Variants in SGCZ observed in about 807,000 individuals in gnomAD.
The protein encoded by SGCZ is sarcoglycan zeta.
Under a neutral mutation model 41.3 loss-of-function variants are expected in SGCZ, and 40 were observed. The observed-to-expected ratio is 0.97, with a 90% CI of 0.75 to 1.26. SGCZ has a LOEUF of 1.26. SGCZ is among the 50% of genes most tolerant of loss of function. The probability of loss-of-function intolerance (pLI) is 0.00; values close to 1 mark genes in which losing one functional copy is unlikely to be tolerated. For synonymous variants in SGCZ, 206 were observed against 137.5 expected, an observed-to-expected ratio of 1.50 and a Z score of -3.49; for missense variants, 552 against 369.8, an observed-to-expected ratio of 1.49 and a Z score of -4.04.
intron 2 of SGCZ, among the ~76,000 whole-genome samples, chr8:14,517,189 G>A (rs934402792): frequency 3.3e-5 from 5 of 151,368 alleles, no homozygotes; most frequent in Non-Finnish European, 5.9e-5. Context: ...GGATGATGGC[G>A]CTTGGAAGAC....
chr8:14,766,549 A>T (rs1302412187), intron 1 of SGCZ, among the ~76,000 whole-genome samples: 2 of 151,864 alleles, frequency 1.3e-5, no homozygotes, highest in African/African-American at 4.8e-5. Context: ...TAGTTTTATT[A>T]CTTTTAAAAA....
At chr8:15,090,200 T>A (rs1325646334) in intron 1 of SGCZ, among the ~76,000 whole-genome samples, 1 of 152,240 alleles carries the variant, frequency 6.6e-6, no homozygotes. Context: ...AAATTTAGTC[T>A]GTTACAATTT....
chr8:14,898,729 C>T (rs183191932), intron 1 of SGCZ, among the ~76,000 whole-genome samples: 1 of 152,124 alleles, frequency 6.6e-6, no homozygotes, highest in East Asian at 1.9e-4. Flanking sequence ...AAAGAGCAAG[C>T]AAAGGTGCTA....
chr8:14,248,597 T>C (rs992473074), intron 3 of SGCZ, among the ~76,000 whole-genome samples: 1 of 152,138 alleles, frequency 6.6e-6, no homozygotes, highest in African/African-American at 2.4e-5. Context: ...AAGAAATTAA[T>C]CTTTATCAAA....
intron 1 of SGCZ, among the ~76,000 whole-genome samples, chr8:14,915,576 A>T (rs1366998100): frequency 6.6e-6 from 1 of 152,150 alleles, no homozygotes; most frequent in Non-Finnish European, 1.5e-5. Flanking sequence ...AGTAAAAAGC[A>T]GACAAGATGG....
chr8:14,353,152 T>TTG (rs1455164616), intron 2 of SGCZ, among the ~76,000 whole-genome samples: 1 of 150,014 alleles, frequency 6.7e-6, no homozygotes, highest in African/African-American at 2.5e-5. Context: ...GTGACTAAGT[T>TTG]TCTTCATTTG....
chr8:14,853,022 C>G (rs1160777491), intron 1 of SGCZ, among the ~76,000 whole-genome samples: 1 of 152,218 alleles, frequency 6.6e-6, no homozygotes, highest in Non-Finnish European at 1.5e-5. Context: ...GAGGCCAGCT[C>G]TGCTTCTGAG....
At chr8:14,772,192 C>G (rs1447481421) in intron 1 of SGCZ, among the ~76,000 whole-genome samples, 1 of 152,118 alleles carries the variant, frequency 6.6e-6, no homozygotes, top group African/African-American at 2.4e-5. Flanking sequence ...GTTCGGAACA[C>G]ATTTAAGGTA....
Position 14,612,029 on chromosome 8 carries a change from TA to T in SGCZ, c.40-57104del, listed in dbSNP as rs1422769048. 5.3e-5 allele frequency among the ~76,000 whole-genome samples: 8 copies of T among 152,332 alleles called. No homozygotes were observed. In the South Asian group the frequency reaches 6.2e-4, roughly 12 times the overall value. The stretch of plus-strand genomic sequence containing the variant: ...TTTAAGGGAGGCATTAATAAGCCAT[TA>T]AAAAATTATTTAGCATTTGTCCTTC... On this transcript the variant is annotated intron_variant, in intron 1 of 7. Transcript: ENST00000382080.
chr8:15,208,744 C>T (rs576018290), intron 1 of SGCZ, among the ~76,000 whole-genome samples: 2 of 152,186 alleles, frequency 1.3e-5, no homozygotes, highest in African/African-American at 4.8e-5. Flanking sequence ...GAGCAAGTTA[C>T]TTGACTTCTA....
At chr8:14,191,511 C>T (rs556814786) in intron 4 of SGCZ, among the ~76,000 whole-genome samples, 7 of 152,078 alleles carry the variant, frequency 4.6e-5, no homozygotes, top group East Asian at 1.9e-4. Context: ...TTTTTGTGTA[C>T]GGTGTGATAT....
intron 1 of SGCZ, among the ~76,000 whole-genome samples, chr8:14,790,966 G>A (rs1039387526): frequency 1.3e-5 from 2 of 151,472 alleles, no homozygotes; most frequent in Non-Finnish European, 2.9e-5. Flanking sequence ...GGGAGGCAAA[G>A]GTTGCAGTGA....
chr8:14,237,344 G>C (rs1169606553), intron 4 of SGCZ, among the ~76,000 whole-genome samples: 2 of 152,016 alleles, frequency 1.3e-5, no homozygotes, highest in Non-Finnish European at 2.9e-5. Flanking sequence ...TTATGTATCA[G>C]GGAAATAACA....
chr8:14,646,500 G>C (rs1029822067), intron 1 of SGCZ, among the ~76,000 whole-genome samples: 21 of 151,812 alleles, frequency 1.4e-4, no homozygotes, highest in African/African-American at 4.8e-4. Flanking sequence ...TCCTTCTCAT[G>C]AATAGCGCTG....
At chr8:14,332,904 T>G (rs185093242) in intron 2 of SGCZ, among the ~76,000 whole-genome samples, 1 of 148,132 alleles carries the variant, frequency 6.8e-6, no homozygotes, top group Non-Finnish European at 1.5e-5. Flanking sequence ...TGTCTATATA[T>G]CTATACACAC....
At chr8:14,395,696 C>T (rs1183140790) in intron 2 of SGCZ, among the ~76,000 whole-genome samples, 1 of 152,170 alleles carries the variant, frequency 6.6e-6, no homozygotes, top group Non-Finnish European at 1.5e-5. Flanking sequence ...TCCAAACTTC[C>T]TCACATAACC....
Position 14,178,105 on chromosome 8 carries a change from G to A in SGCZ, c.425-13403C>T, listed in dbSNP as rs145178499. ...CCCTAGTAACTGAGATTACAGGCAT[G>A]AGCCATCACCCCCGGCTAATTGTGT... On this transcript the variant is annotated intron_variant, in intron 4 of 7. Coordinates refer to ENST00000382080, the MANE Select transcript of SGCZ (RefSeq NM_139167.4). Among the ~76,000 whole-genome samples the A allele has an allele frequency of 1.6e-4, 25 of 151,670 alleles. No homozygotes were observed. In the East Asian group the frequency reaches 4.5e-3, roughly 28 times the overall value.
At chr8:14,440,156 G>T (rs1004555935) in intron 2 of SGCZ, among the ~76,000 whole-genome samples, 2 of 151,880 alleles carry the variant, frequency 1.3e-5, no homozygotes, top group African/African-American at 4.8e-5. Context: ...AAACTACAAG[G>T]TGTTTGTTTT....
intron 7 of SGCZ, among the ~76,000 whole-genome samples, chr8:14,092,203 C>CTGTT (rs1801708220): frequency 6.6e-6 from 1 of 151,998 alleles, no homozygotes; most frequent in Admixed American, 6.6e-5. Context: ...CAGGACTATG[C>CTGTT]TGTTTTGGTT....
Sources: allele counts gnomAD v4.1 joint callset (sites outside exome capture counted in the v4.1 genomes callset), GRCh38; gene constraint gnomAD v4.1.1; transcripts MANE v1.5; gene names NCBI Gene and HGNC (gene_info 2026-07-23, HGNC 2026-07-21).